Variants in DNASE1 observed in about 807,000 individuals in gnomAD.
DNASE1 encodes the protein deoxyribonuclease-1.
In DNASE1, 40 loss-of-function variants were observed where a neutral mutation model predicts 33.9. That is an observed-to-expected ratio of 1.18 (90% CI 0.92 to 1.54). The LOEUF is 1.54. Among genes scored for constraint, DNASE1 ranks in the 40% most tolerant of loss-of-function variants. The probability of loss-of-function intolerance (pLI) is 0.00; values close to 1 mark genes in which losing one functional copy is unlikely to be tolerated. For synonymous variants in DNASE1, 216 were observed against 160.0 expected, an observed-to-expected ratio of 1.35 and a Z score of -2.64; for missense variants, 518 against 372.6, an observed-to-expected ratio of 1.39 and a Z score of -3.21.
At chr16:3,652,006 C>G (rs1437267677), upstream of DNASE1, 1 of 152,400 alleles carries the variant, frequency 6.6e-6, no homozygotes, top group East Asian at 1.9e-4. Flanking sequence ...CCAGACGGGC[C>G]CCATGTCAGA....
exon 10 of DNASE1, chr16:3,664,062 C>G: frequency 1.8e-6 from 1 of 541,860 alleles, no homozygotes; most frequent in Non-Finnish European, 3.1e-6. Flanking sequence ...GACTCCATCT[C>G]AAAAAAACAA....
chr16:3,642,401 C>G (rs937245802), upstream of DNASE1, among the ~76,000 whole-genome samples: 6 of 152,238 alleles, frequency 3.9e-5, no homozygotes, highest in Admixed American at 3.3e-4. Flanking sequence ...GAAGCCTGTC[C>G]CCTCCCTCCT....
chr16:3,656,972 C>T (rs2042696237), intron 5 of DNASE1, 27 bp from the exon 6 acceptor site: 1 of 1,609,692 alleles, frequency 6.2e-7, no homozygotes, highest in East Asian at 2.2e-5. Flanking sequence ...AGGGAGTGTG[C>T]CTCACACGAC....
At chr16:3,664,783 C>T in exon 10 of DNASE1, 1 of 287,374 alleles carries the variant, frequency 3.5e-6, no homozygotes, top group South Asian at 4.3e-5. Context: ...CTTCCCTCTG[C>T]CCTCAGTGAC....
At chr16:3,655,735 G>C in intron 2 of DNASE1, 114 bp from the exon 3 acceptor site, 1 of 1,451,714 alleles carries the variant, frequency 6.9e-7, no homozygotes, top group Non-Finnish European at 9.6e-7. Flanking sequence ...AGAAACATGA[G>C]GCTGCGGTTA....
intron 4 of DNASE1, 38 bp from the exon 5 acceptor site, chr16:3,656,600 A>C (rs2042651838): frequency 3.2e-6 from 5 of 1,562,898 alleles, no homozygotes; most frequent in Non-Finnish European, 4.4e-6. Context: ...GGCAGCTTCC[A>C]GCCTGGGGTC....
At chr16:3,663,429 G>C (rs1425422018) in exon 10 of DNASE1, 1 of 1,613,920 alleles carries the variant, frequency 6.2e-7, no homozygotes, top group Non-Finnish European at 8.5e-7. Flanking sequence ...CCGACCTGGG[G>C]ACCTGTCCTC....
At chr16:3,618,251 A>T (rs1159495671) in intron 1 of DNASE1, among the ~76,000 whole-genome samples, 1 of 131,662 alleles carries the variant, frequency 7.6e-6, no homozygotes, top group Non-Finnish European at 1.6e-5. Context: ...GCCATTTCCT[A>T]AAAAAAAAAA....
At chr16:3,618,905 C>T (rs112772177) in intron 1 of DNASE1, among the ~76,000 whole-genome samples, 2 of 151,706 alleles carry the variant, frequency 1.3e-5, no homozygotes, top group South Asian at 4.2e-4. Flanking sequence ...TGCCCAGGCT[C>T]GAGTACAGTG....
intron 1 of DNASE1, among the ~76,000 whole-genome samples, chr16:3,619,141 C>G (rs2041211847): frequency 6.6e-6 from 1 of 151,924 alleles, no homozygotes; most frequent in African/African-American, 2.4e-5. Flanking sequence ...CTCAAGTGAT[C>G]CTCCTGCCTC....
At chr16:3,642,277 G>A (rs1020004807), upstream of DNASE1, among the ~76,000 whole-genome samples, 2 of 152,232 alleles carry the variant, frequency 1.3e-5, no homozygotes, top group Non-Finnish European at 2.9e-5. Context: ...TTAGTCCACA[G>A]ACTGCCATGC....
chr16:3,630,494 A>G lies in DNASE1; in HGVS notation c.-1358-10221A>G, dbSNP rs945716694. ...CTGTTTCTGGCTATTTCTCCCTTCAATTCTGTCAGTTTTGCTTTATATATT... is the reference window on the plus strand; with the variant it reads ...CTGTTTCTGGCTATTTCTCCCTTCAGTTCTGTCAGTTTTGCTTTATATATT... On this transcript the variant is annotated intron_variant and NMD_transcript_variant, in intron 1 of 11. Transcript: ENST00000570769. Among the ~76,000 whole-genome samples the G allele has an allele frequency of 1.3e-4, 20 of 152,126 alleles. No individual in the cohort carries two copies. The East Asian group carries it at 1.5e-3, about 12-fold the overall frequency.
chr16:3,655,012 T>C lies in DNASE1; in HGVS notation c.-34T>C, dbSNP rs568988690. ...ATATTCCAGATTCTTGACAGCATTC[T>C]CGTCATCTCTGAGGACATCACCATC... On this transcript the variant is annotated 5_prime_UTR_variant, in exon 1 of 9. Transcript: ENST00000246949. 4.0e-6 allele frequency: 2 copies of C among 493,904 alleles called. No individual in the cohort carries two copies. Among genetic ancestry groups the C allele is most frequent in the South Asian group, 4.0e-5 (1 of 24,764 alleles). The allele number at this position is 493,904 out of a possible 1,614,324, so 30.6% of individuals were successfully genotyped here.
intron 1 of DNASE1, among the ~76,000 whole-genome samples, chr16:3,619,552 AG>A (rs2041230922): frequency 6.7e-6 from 1 of 148,298 alleles, no homozygotes; most frequent in African/African-American, 2.5e-5. Flanking sequence ...TAGTAGAGAC[AG>A]GGTTTCACCG....
At chr16:3,628,221 T>C (rs1286100997) in intron 1 of DNASE1, among the ~76,000 whole-genome samples, 6 of 152,148 alleles carry the variant, frequency 3.9e-5, no homozygotes, top group African/African-American at 1.4e-4. Flanking sequence ...ATTGTTTTTA[T>C]AATTTCCTTT....
chr16:3,624,120 T>C (rs750739412), intron 1 of DNASE1, among the ~76,000 whole-genome samples: 7 of 151,592 alleles, frequency 4.6e-5, no homozygotes, highest in Non-Finnish European at 1.0e-4. Context: ...CTACTAAAAA[T>C]ACAAAAATCA....
At chr16:3,664,401 G>C in exon 10 of DNASE1, 1 of 1,612,400 alleles carries the variant, frequency 6.2e-7, no homozygotes, top group Non-Finnish European at 8.5e-7. Context: ...TGAGAGGCTG[G>C]TTAGCTGCCC....
At chr16:3,620,884 T>C (rs1446981416) in intron 1 of DNASE1, among the ~76,000 whole-genome samples, 1 of 152,042 alleles carries the variant, frequency 6.6e-6, no homozygotes, top group African/African-American at 2.4e-5. Context: ...CACTGCAACC[T>C]CCGCTCCCCA....
At chr16:3,648,896 T>A (rs2042249928) in intron 1 of DNASE1, among the ~76,000 whole-genome samples, 1 of 152,242 alleles carries the variant, frequency 6.6e-6, no homozygotes. Context: ...CATCTCAAAA[T>A]GTGAACTTTT....
Sources: gnomAD v4.1 joint callset for allele counts (sites outside exome capture counted in the v4.1 genomes callset) on GRCh38, gnomAD v4.1.1 for gene constraint, MANE v1.5 for transcripts, NCBI Gene and HGNC (gene_info 2026-07-23, HGNC 2026-07-21) for gene names.